Variants in RAPGEF4 observed in about 807,000 individuals in gnomAD.
The protein encoded by RAPGEF4 is RAP guanine-nucleotide-exchange factor (GEF) 4.
In RAPGEF4, 66 loss-of-function variants were observed where a neutral mutation model predicts 147.9. The observed-to-expected ratio is 0.45, with a 90% CI of 0.37 to 0.55. RAPGEF4 has a LOEUF of 0.55. Among genes scored for constraint, RAPGEF4 ranks in the 20% least tolerant of loss-of-function variants. RAPGEF4 has a pLI of 0.00. For missense variants in RAPGEF4, 1,071 were observed against 1,257.3 expected (o/e 0.85, Z 2.24); for synonymous variants, 419 against 442.7 (o/e 0.95, Z 0.67).
intron 8 of RAPGEF4, among the ~76,000 whole-genome samples, chr2:172,961,693 A>G (rs1375352884): frequency 2.0e-5 from 3 of 152,224 alleles, no homozygotes; most frequent in African/African-American, 7.2e-5. Context: ...GCTTGTCCAA[A>G]TCACAAGTCT....
chr2:172,942,622 T>C (rs764596999), intron 6 of RAPGEF4, among the ~76,000 whole-genome samples: 13 of 151,150 alleles, frequency 8.6e-5, no homozygotes, highest in Non-Finnish European at 1.8e-4. Context: ...AACTGTAATG[T>C]GTGTTACCAA....
chr2:172,996,160 T>C (rs892073584), intron 15 of RAPGEF4, among the ~76,000 whole-genome samples: 2 of 152,110 alleles, frequency 1.3e-5, no homozygotes, highest in African/African-American at 2.4e-5. Context: ...TTTATTCTCC[T>C]TTGGAAAAAA....
At chr2:173,047,700 G>A (rs188526360) in intron 29 of RAPGEF4, among the ~76,000 whole-genome samples, 103 of 149,706 alleles carry the variant, frequency 6.9e-4, no homozygotes, top group African/African-American at 2.3e-3. Flanking sequence ...TTCTTGAGAC[G>A]GAGTCTCACT....
At chr2:172,970,787 T>C (rs1205422578) in intron 10 of RAPGEF4, among the ~76,000 whole-genome samples, 1 of 152,158 alleles carries the variant, frequency 6.6e-6, no homozygotes, top group African/African-American at 2.4e-5. Context: ...TTTGGCACAC[T>C]CTTGTTGCTA....
At chr2:172,937,190 C>G (rs1244676467) in intron 6 of RAPGEF4, among the ~76,000 whole-genome samples, 4 of 151,912 alleles carry the variant, frequency 2.6e-5, no homozygotes, top group African/African-American at 9.7e-5. Flanking sequence ...CACTGTACTC[C>G]AGCCTGGGCA....
In RAPGEF4 at chr2:173,020,655, T is replaced by C. The variant is rs1259710003; in HGVS notation, c.2193T>C (p.Phe731=). Residue 731 remains phenylalanine, a synonymous_variant, in exon 23 of 31, where the codon TTT becomes TTC. Transcript: ENST00000397081. ...TCAAACCTAATGATGTTTCAGTATT[T>C]ACGACGCTCACCATTAATGGACGCC... ...VVLKPNDVSV[F]TTLTINGRLF... The C allele has an allele frequency of 6.2e-7, 1 of 1,613,842 alleles. No homozygotes were observed. The highest frequency in any genetic ancestry group is 1.1e-5 in the South Asian group (1 of 90,954).
At chr2:172,998,438 G>A (rs1192536348) in intron 16 of RAPGEF4, among the ~76,000 whole-genome samples, 1 of 152,206 alleles carries the variant, frequency 6.6e-6, no homozygotes, top group East Asian at 1.9e-4. Context: ...AGCCGGCTGG[G>A]TGCAGTGGCT....
At chr2:173,037,553 C>T (rs1684201091) in intron 29 of RAPGEF4, among the ~76,000 whole-genome samples, 1 of 152,196 alleles carries the variant, frequency 6.6e-6, no homozygotes, top group African/African-American at 2.4e-5. Flanking sequence ...CAGAGCATGC[C>T]AAAACCTTTC....
chr2:172,942,272 C>A (rs988685852), intron 6 of RAPGEF4, among the ~76,000 whole-genome samples: 1 of 150,518 alleles, frequency 6.6e-6, no homozygotes, highest in Non-Finnish European at 1.5e-5. Flanking sequence ...TAACTGGAGT[C>A]ACCATGTTCT....
intron 1 of RAPGEF4, among the ~76,000 whole-genome samples, chr2:172,768,628 G>T (rs1330692564): frequency 1.3e-5 from 2 of 152,098 alleles, no homozygotes; most frequent in Non-Finnish European, 2.9e-5. Flanking sequence ...AGCATAATCA[G>T]TTCTGCCAAA....
At chr2:173,026,926 T>C (rs1696718431) in intron 24 of RAPGEF4, among the ~76,000 whole-genome samples, 155 bp from the exon 25 acceptor site, 1 of 152,240 alleles carries the variant, frequency 6.6e-6, no homozygotes, top group Admixed American at 6.5e-5. Flanking sequence ...AAACCTAGTT[T>C]ATATTTATAT....
chr2:173,035,617 G>T (rs1160187575), intron 27 of RAPGEF4, among the ~76,000 whole-genome samples: 1 of 151,914 alleles, frequency 6.6e-6, no homozygotes, highest in Non-Finnish European at 1.5e-5. Flanking sequence ...CTCCAAAAGT[G>T]CTGGGATTAT....
At chr2:173,004,912 T>C (rs1204316612) in intron 17 of RAPGEF4, among the ~76,000 whole-genome samples, 34 of 152,096 alleles carry the variant, frequency 2.2e-4, no homozygotes, top group Non-Finnish European at 1.5e-5. Context: ...TAGATAAAAC[T>C]GCATCATCTT....
intron 1 of RAPGEF4, among the ~76,000 whole-genome samples, chr2:172,777,619 A>G (rs758267908): frequency 8.5e-5 from 13 of 152,114 alleles, no homozygotes; most frequent in Non-Finnish European, 1.6e-4. Context: ...TTCTATGAAC[A>G]ACTTTCCCTC....
intron 6 of RAPGEF4, among the ~76,000 whole-genome samples, chr2:172,955,449 T>C (rs1688626651): frequency 6.6e-6 from 1 of 152,184 alleles, no homozygotes; most frequent in African/African-American, 2.4e-5. Context: ...AAGTCTTTCG[T>C]GGAGAAAGCC....
chr2:172,846,341 A>T (rs1692187633), intron 4 of RAPGEF4, among the ~76,000 whole-genome samples: 1 of 152,170 alleles, frequency 6.6e-6, no homozygotes, highest in Admixed American at 6.5e-5. Flanking sequence ...ATCATATGAC[A>T]TGTCGTCTTG....
chr2:172,925,774 AG>A (rs1325042172), intron 6 of RAPGEF4, among the ~76,000 whole-genome samples: 1 of 48,368 alleles, frequency 2.1e-5, no homozygotes, highest in Non-Finnish European at 7.0e-5. Context: ...GAAGAAAGAA[AG>A]AAAGAGAGAG....
intron 10 of RAPGEF4, among the ~76,000 whole-genome samples, chr2:172,971,362 A>C (rs1690464525): frequency 6.6e-6 from 1 of 152,222 alleles, no homozygotes; most frequent in Admixed American, 6.5e-5. Context: ...CTGTTTCCCA[A>C]ATCAAAATTT....
At chr2:172,886,641 C>G (rs904710244) in intron 4 of RAPGEF4, among the ~76,000 whole-genome samples, 4 of 151,846 alleles carry the variant, frequency 2.6e-5, no homozygotes, top group African/African-American at 7.3e-5. Flanking sequence ...TGTGGTACCC[C>G]CTTCTTTTAG....
Sources: allele counts gnomAD v4.1 joint callset (sites outside exome capture counted in the v4.1 genomes callset), GRCh38; gene constraint gnomAD v4.1.1; transcripts MANE v1.5; gene names NCBI Gene and HGNC (gene_info 2026-07-23, HGNC 2026-07-21).